Variants in USP3 observed in about 807,000 individuals in gnomAD.
USP3 encodes ubiquitin specific peptidase 3, also known as ubiquitin carboxyl-terminal hydrolase 3.
USP3 carries 20 observed loss-of-function variants against 72.3 expected under a neutral mutation model. That is an observed-to-expected ratio of 0.28 (90% CI 0.19 to 0.40). The LOEUF (loss-of-function observed/expected upper bound fraction) is 0.40. Among genes scored for constraint, USP3 ranks in the 10% least tolerant of loss-of-function variants. USP3 has a pLI of 1.00. For missense variants in USP3, 479 were observed against 633.9 expected, an observed-to-expected ratio of 0.76 and a Z score of 2.62; for synonymous variants, 222 against 225.3, an observed-to-expected ratio of 0.99 and a Z score of 0.13.
chr15:63,539,095 C>A (rs1247801730), intron 3 of USP3, among the ~76,000 whole-genome samples: 1 of 151,878 alleles, frequency 6.6e-6, no homozygotes, highest in Admixed American at 6.6e-5. Flanking sequence ...TTGCATTCCC[C>A]TTTCCCTCAG....
chr15:63,564,637 A>G (rs1409322452), intron 8 of USP3, among the ~76,000 whole-genome samples: 1 of 152,168 alleles, frequency 6.6e-6, no homozygotes, highest in Non-Finnish European at 1.5e-5. Context: ...TAATTTCCAC[A>G]TTGGAATATT....
At position 63,574,470 on chromosome 15, in the gene USP3, C is replaced by G; in HGVS notation, c.1096+67C>G. 1 of 1,200,394 alleles carries G rather than the reference C, an allele frequency of 8.3e-7. No individual in the cohort carries two copies. Among genetic ancestry groups the G allele is most frequent in the Non-Finnish European group, 1.2e-6 (1 of 858,008 alleles). 74.4% of individuals were successfully genotyped at this position (1,200,394 alleles called of 1,614,324 possible). On this transcript the variant is annotated intron_variant, in intron 11 of 14. Coordinates refer to ENST00000380324, the MANE Select transcript of USP3 (RefSeq NM_006537.4). The surrounding 1 kb of genome is among the most constrained non-coding windows in gnomAD (Gnocchi z 4.6). ...AATTGAATAGATTGATAAGCTTCAT[C>G]TATATGTGGTATCTTTAATTAATAT...
chr15:63,530,892 C>T (rs1249472583), intron 1 of USP3, among the ~76,000 whole-genome samples: 2 of 152,184 alleles, frequency 1.3e-5, no homozygotes, highest in African/African-American at 4.8e-5. Context: ...ACCTGCCTAA[C>T]AGAGTTGTTT....
At chr15:63,584,094 T>G (rs976377284) in intron 11 of USP3, among the ~76,000 whole-genome samples, 14 of 44,116 alleles carry the variant, frequency 3.2e-4, no homozygotes, top group East Asian at 8.6e-4. Context: ...ACGGTTTTGT[T>G]TTTTTTTTTT....
In USP3 at chr15:63,570,148, C is replaced by T. The variant is rs1322428293; in HGVS notation, c.762-285C>T. ...GTAGGACGTTGGGGAAGTCACATAC[C>T]ACCCCGCCACCTCCACAATTTCCTC... On this transcript the variant is annotated intron_variant, in intron 8 of 14. Coordinates refer to ENST00000380324, the MANE Select transcript of USP3 (RefSeq NM_006537.4). The surrounding 1 kb of genome is among the most constrained non-coding windows in gnomAD (Gnocchi z 4.4). 6.6e-6 allele frequency among the ~76,000 whole-genome samples: 1 copy of T among 152,178 alleles called. No individual in the cohort carries two copies. The highest frequency in any genetic ancestry group is 1.9e-4 in the East Asian group (1 of 5,198).
intron 8 of USP3, among the ~76,000 whole-genome samples, chr15:63,568,112 T>C (rs1270019894): frequency 6.6e-6 from 1 of 151,970 alleles, no homozygotes; most frequent in Non-Finnish European, 1.5e-5. Flanking sequence ...CCCAGCACTT[T>C]GGGAGGCCGA....
In USP3 at chr15:63,519,167, A is replaced by G. The variant is rs142213339; in HGVS notation, c.92-13480A>G. ...CACATTCCATGTTCAGATTTCCTCA[A>G]TTGTCCCAACAATGGCCTTCATAGC... On this transcript the variant is annotated intron_variant, in intron 1 of 14. Coordinates refer to ENST00000380324, the MANE Select transcript of USP3 (RefSeq NM_006537.4). Among the ~76,000 whole-genome samples, 290 of 152,122 alleles carry G rather than the reference A, an allele frequency of 1.9e-3. 3 individuals are homozygous for G. In the East Asian group the frequency reaches 0.026, roughly 13 times the overall value.
intron 1 of USP3, among the ~76,000 whole-genome samples, chr15:63,530,798 A>G (rs1397186580): frequency 1.3e-5 from 2 of 152,178 alleles, no homozygotes; most frequent in Non-Finnish European, 1.5e-5. Flanking sequence ...TAAAAACATC[A>G]TATTCTCATT....
At chr15:63,583,867 T>C (rs1234266315) in intron 11 of USP3, among the ~76,000 whole-genome samples, 2 of 152,192 alleles carry the variant, frequency 1.3e-5, no homozygotes, top group African/African-American at 4.8e-5. Context: ...TATCCATTCA[T>C]CTGTTGACGA....
chr15:63,590,536 CA>C, intron 14 of USP3, 124 bp from the exon 15 acceptor site: 1 of 950,772 alleles, frequency 1.1e-6, no homozygotes. Flanking sequence ...ATTAATTTAA[CA>C]AGCATCTTAA....
chr15:63,592,361 G>A lies in USP3; in HGVS notation c.*1535G>A, dbSNP rs898967420. The A allele has an allele frequency of 3.7e-5, 5 of 136,690 alleles. No homozygotes were observed. Among genetic ancestry groups the A allele is most frequent in the African/African-American group, 1.2e-4 (5 of 40,062 alleles). 8.5% of individuals were successfully genotyped at this position (136,690 alleles called of 1,614,324 possible). A position where few individuals can be genotyped will look rare whatever the true frequency, so the allele number is the denominator to read the frequency against. On this transcript the variant is annotated 3_prime_UTR_variant, in exon 15 of 15. Coordinates refer to ENST00000380324, the MANE Select transcript of USP3 (RefSeq NM_006537.4). ...TTTTTTTTTTCTTTTTTTTGGTTGGGGGCGGTGGGGGTTGGTAGACATAGC... is the reference window on the plus strand; with the variant it reads ...TTTTTTTTTTCTTTTTTTTGGTTGGAGGCGGTGGGGGTTGGTAGACATAGC...
chr15:63,543,922 A>AATT lies in USP3; in HGVS notation c.284+6769_284+6771dup, dbSNP rs370422800. Among the ~76,000 whole-genome samples the AATT allele has an allele frequency of 2.0e-3, 305 of 152,126 alleles. 1 individual carries two copies. The highest frequency in any genetic ancestry group is 3.7e-3 in the Non-Finnish European group (254 of 67,978). On this transcript the variant is annotated intron_variant, in intron 3 of 14. Transcript: ENST00000380324. Reference sequence around the variant, plus strand: ...CCTTATGGTATATTGTACTTTGAGAAATTATGGCCAGGCATGGTGGCTCAC... The same window carrying AATT: ...CCTTATGGTATATTGTACTTTGAGAAATTATTATGGCCAGGCATGGTGGCTCAC...
At chr15:63,537,238 C>A in intron 3 of USP3, 82 bp downstream of exon 3, 6 of 1,457,000 alleles carry the variant, frequency 4.1e-6, no homozygotes, top group Non-Finnish European at 5.5e-6. Context: ...AGTCTCTAAG[C>A]CAGTTACTAC....
At chr15:63,515,523 A>G (rs1046556901) in intron 1 of USP3, 2 of 152,232 alleles carry the variant, frequency 1.3e-5, no homozygotes, top group Non-Finnish European at 2.9e-5. Flanking sequence ...ATCTCTTAAC[A>G]TATAGATGAC....
chr15:63,586,329 C>T (rs1228029318), intron 11 of USP3, among the ~76,000 whole-genome samples: 1 of 152,152 alleles, frequency 6.6e-6, no homozygotes, highest in African/African-American at 2.4e-5. Context: ...TGGCCTTTGT[C>T]ATGTTGAAGT....
intron 1 of USP3, among the ~76,000 whole-genome samples, chr15:63,517,338 T>C (rs769007037): frequency 3.8e-4 from 58 of 152,302 alleles, no homozygotes; most frequent in Admixed American, 4.6e-4. Flanking sequence ...TTTTGCAGTA[T>C]CTTCTCTTAC....
Position 63,591,099 on chromosome 15 carries a change from T to A in USP3, c.*273T>A, listed in dbSNP as rs1451430704. The A allele has an allele frequency of 1.2e-5, 4 of 321,148 alleles. No homozygotes were observed. Among genetic ancestry groups the A allele is most frequent in the Non-Finnish European group, 2.3e-5 (4 of 176,330 alleles). 19.9% of individuals were successfully genotyped at this position (321,148 alleles called of 1,614,324 possible). On this transcript the variant is annotated 3_prime_UTR_variant, in exon 15 of 15. Transcript: ENST00000380324. The stretch of plus-strand genomic sequence containing the variant: ...TAAGAACTTAGTCTTATTTGACTTT[T>A]TTATTTTATGTTAATGTTTTCAGTT...
intron 11 of USP3, among the ~76,000 whole-genome samples, chr15:63,577,413 C>A (rs1339080063): frequency 6.6e-6 from 1 of 152,066 alleles, no homozygotes; most frequent in Non-Finnish European, 1.5e-5. Flanking sequence ...CATTGCTTGA[C>A]CCCAGGAGTT....
intron 3 of USP3, among the ~76,000 whole-genome samples, chr15:63,548,408 C>T (rs1006426706): frequency 6.6e-6 from 1 of 151,858 alleles, no homozygotes; most frequent in African/African-American, 2.4e-5. Flanking sequence ...TTACTGCAGC[C>T]TCCGCCTCCT....
Sources: allele counts gnomAD v4.1 joint callset (sites outside exome capture counted in the v4.1 genomes callset), GRCh38; gene constraint gnomAD v4.1.1; non-coding constraint Gnocchi (gnomAD v3.1); transcripts MANE v1.5; gene names NCBI Gene and HGNC (gene_info 2026-07-23, HGNC 2026-07-21).